Variants in TMEM163 observed in about 807,000 individuals in gnomAD.
The protein encoded by TMEM163 is transmembrane protein 163.
Under a neutral mutation model 29.3 loss-of-function variants are expected in TMEM163, and 17 were observed. The observed-to-expected ratio is 0.58, with a 90% CI of 0.40 to 0.87. The LOEUF is 0.87. Among genes scored for constraint, TMEM163 ranks in the 40% least tolerant of loss-of-function variants. The pLI is 0.00. For missense variants in TMEM163, 303 were observed against 381.5 expected (o/e 0.79, Z 1.71); for synonymous variants, 157 against 160.6 (o/e 0.98, Z 0.17).
At chr2:134,532,780 G>A (rs1680443053) in intron 4 of TMEM163, among the ~76,000 whole-genome samples, 1 of 152,150 alleles carries the variant, frequency 6.6e-6, no homozygotes, top group South Asian at 2.1e-4. Context: ...TATCAAATAG[G>A]TGAGCTTACC....
chr2:134,676,633 C>T (rs796777587), intron 2 of TMEM163, among the ~76,000 whole-genome samples: 1 of 152,186 alleles, frequency 6.6e-6, no homozygotes, highest in Non-Finnish European at 1.5e-5. Flanking sequence ...CCAAAACATT[C>T]TTCTTGTCCT....
intron 5 of TMEM163, among the ~76,000 whole-genome samples, chr2:134,497,168 C>G (rs542313751): frequency 6.6e-6 from 1 of 152,308 alleles, no homozygotes; most frequent in South Asian, 2.1e-4. Context: ...ATGAGTCTCT[C>G]CCCCAACTGT....
At chr2:134,459,837 G>A (rs562237698) in intron 6 of TMEM163, among the ~76,000 whole-genome samples, 1 of 151,490 alleles carries the variant, frequency 6.6e-6, no homozygotes, top group East Asian at 2.0e-4. Flanking sequence ...CTGGCCCTCT[G>A]CCAATCCATG....
intron 5 of TMEM163, among the ~76,000 whole-genome samples, chr2:134,470,671 G>C (rs1325784789): frequency 6.6e-6 from 1 of 152,148 alleles, no homozygotes; most frequent in Non-Finnish European, 1.5e-5. Flanking sequence ...ACCCTGCGGA[G>C]GAACCCAAGG....
intron 2 of TMEM163, among the ~76,000 whole-genome samples, chr2:134,701,549 G>A (rs1684704333): frequency 6.6e-6 from 1 of 152,196 alleles, no homozygotes; most frequent in South Asian, 2.1e-4. Flanking sequence ...TCTGGAGAAG[G>A]TGCAACAATC....
chr2:134,646,692 G>A (rs746928485), intron 2 of TMEM163, among the ~76,000 whole-genome samples: 6 of 152,094 alleles, frequency 3.9e-5, no homozygotes, highest in Non-Finnish European at 2.9e-5. Flanking sequence ...TGATCCACCT[G>A]CCTCAGCCTC....
At chr2:134,610,039 C>T (rs182373485) in intron 2 of TMEM163, among the ~76,000 whole-genome samples, 211 of 152,306 alleles carry the variant, frequency 1.4e-3, no homozygotes, top group African/African-American at 5.0e-3. Flanking sequence ...TCAAACAAGA[C>T]CCCTGGCAGA....
At chr2:134,540,165 C>G (rs1244409893) in intron 4 of TMEM163, among the ~76,000 whole-genome samples, 1 of 152,238 alleles carries the variant, frequency 6.6e-6, no homozygotes, top group African/African-American at 2.4e-5. Flanking sequence ...GCAAATGCTT[C>G]CTGGCAGCAG....
chr2:134,636,583 T>G (rs1310987665), intron 2 of TMEM163, among the ~76,000 whole-genome samples: 1 of 152,170 alleles, frequency 6.6e-6, no homozygotes, highest in Non-Finnish European at 1.5e-5. Flanking sequence ...GTTTATAGTT[T>G]AAAGTTTAAA....
chr2:134,614,989 A>T (rs1219216349), intron 2 of TMEM163, among the ~76,000 whole-genome samples: 1 of 152,238 alleles, frequency 6.6e-6, no homozygotes, highest in Non-Finnish European at 1.5e-5. Flanking sequence ...AAATGATCAA[A>T]ACTCAACATT....
intron 2 of TMEM163, among the ~76,000 whole-genome samples, chr2:134,650,016 A>AAG (rs1683430730): frequency 6.6e-6 from 1 of 150,550 alleles, no homozygotes; most frequent in African/African-American, 2.4e-5. Context: ...AAAAAAAAAA[A>AAG]AAAAAAAAAG....
chr2:134,525,886 G>A (rs1680283960), intron 4 of TMEM163, among the ~76,000 whole-genome samples: 1 of 152,226 alleles, frequency 6.6e-6, no homozygotes, highest in Non-Finnish European at 1.5e-5. Context: ...TGGGCAGTTG[G>A]GTTAAGATAA....
chr2:134,602,328 A>C (rs183258678), intron 2 of TMEM163, among the ~76,000 whole-genome samples: 2 of 152,258 alleles, frequency 1.3e-5, no homozygotes, highest in African/African-American at 4.8e-5. Context: ...CCTGACCATA[A>C]ACCCTCCCGC....
Position 134,597,364 on chromosome 2 carries a change from G to A in TMEM163, c.323-45273C>T, listed in dbSNP as rs1682110777. Among the ~76,000 whole-genome samples, 2 of 152,170 alleles carry A rather than the reference G, an allele frequency of 1.3e-5. 1 individual carries two copies. Among genetic ancestry groups the A allele is most frequent in the South Asian group, 4.1e-4 (2 of 4,832 alleles). Reference sequence around the variant, plus strand: ...GTCAAAGGCCTTTTCTGCATCTATTGAGATAATCATGTGGTTTTTGTCTTT... The same window carrying A: ...GTCAAAGGCCTTTTCTGCATCTATTAAGATAATCATGTGGTTTTTGTCTTT... On this transcript the variant is annotated intron_variant, in intron 2 of 7. Coordinates refer to ENST00000281924, the MANE Select transcript of TMEM163 (RefSeq NM_030923.5).
At chr2:134,481,616 G>A (rs189592047) in intron 5 of TMEM163, among the ~76,000 whole-genome samples, 24 of 152,204 alleles carry the variant, frequency 1.6e-4, no homozygotes, top group East Asian at 3.9e-4. Context: ...TATCAGCAGC[G>A]TGAAAATGGA....
At chr2:134,469,870 G>A (rs1368897076) in intron 5 of TMEM163, 2 of 152,460 alleles carry the variant, frequency 1.3e-5, no homozygotes, top group African/African-American at 4.8e-5. Context: ...GTTTGTCCTT[G>A]CGCCTTTCTC....
chr2:134,474,099 A>G (rs1686864748), intron 5 of TMEM163, among the ~76,000 whole-genome samples: 1 of 152,228 alleles, frequency 6.6e-6, no homozygotes. Flanking sequence ...ATCAGACTTA[A>G]AAGTCCTCAA....
intron 4 of TMEM163, among the ~76,000 whole-genome samples, chr2:134,532,309 G>A (rs908645590): frequency 2.0e-5 from 3 of 152,188 alleles, no homozygotes; most frequent in African/African-American, 7.2e-5. Flanking sequence ...GCCTCCTGTC[G>A]AGATAACACA....
At chr2:134,637,834 TTATTTGGAAGTTTGATGATG>T in intron 2 of TMEM163, among the ~76,000 whole-genome samples, 1 of 152,352 alleles carries the variant, frequency 6.6e-6, no homozygotes, top group Admixed American at 6.5e-5. Context: ...TTTTGGGTCT[TTATTTGGAAGTTTGATGATG>T]TATTTGGAAG....
Sources: allele counts gnomAD v4.1 joint callset (sites outside exome capture counted in the v4.1 genomes callset), GRCh38; gene constraint gnomAD v4.1.1; transcripts MANE v1.5; gene names NCBI Gene and HGNC (gene_info 2026-07-23, HGNC 2026-07-21).